The following BLTP3B variants were observed in gnomAD, a reference collection of about 807,000 sequenced individuals.
The protein encoded by BLTP3B is UHRF1 (ICBP90) binding protein 1-like.
chr12:100,104,752 A>C, the BLTP3B span, among the ~76,000 whole-genome samples: 3 of 152,006 alleles, frequency 2.0e-5, no homozygotes, highest in Non-Finnish European at 2.9e-5. Flanking sequence ...CTTAGATCTA[A>C]TAAATAAATT....
the BLTP3B span, among the ~76,000 whole-genome samples, chr12:100,054,738 T>C: frequency 6.6e-6 from 1 of 152,204 alleles, no homozygotes; most frequent in African/African-American, 2.4e-5. Context: ...TTTTTGTTTA[T>C]GTATGGTACA....
At chr12:100,138,876 C>T in the BLTP3B span, among the ~76,000 whole-genome samples, 2 of 152,096 alleles carry the variant, frequency 1.3e-5, no homozygotes, top group African/African-American at 2.4e-5. Flanking sequence ...TACACACACA[C>T]ACACACACAC....
the BLTP3B span, among the ~76,000 whole-genome samples, chr12:100,135,127 T>G: frequency 2.0e-5 from 3 of 152,188 alleles, no homozygotes; most frequent in Non-Finnish European, 4.4e-5. Flanking sequence ...TGATCGCATC[T>G]TCCTCTTCTC....
chr12:100,104,479 C>T, the BLTP3B span, among the ~76,000 whole-genome samples: 10 of 151,678 alleles, frequency 6.6e-5, no homozygotes, highest in Non-Finnish European at 1.3e-4. Flanking sequence ...GCTGGGATTA[C>T]AGGCACGCAC....
At chr12:100,109,169 T>C in the BLTP3B span, among the ~76,000 whole-genome samples, 1 of 81,618 alleles carries the variant, frequency 1.2e-5, no homozygotes, top group South Asian at 3.9e-4. Flanking sequence ...CCTCTCTCTC[T>C]CTCTCTCTCT....
At chr12:100,059,905 T>C in the BLTP3B span, 13 of 1,612,756 alleles carry the variant, frequency 8.1e-6, no homozygotes, top group Non-Finnish European at 1.1e-5. Context: ...TTTTGAATTG[T>C]CATTCAACTT....
chr12:100,084,587 A>G, the BLTP3B span: 156 of 1,614,074 alleles, frequency 9.7e-5, no homozygotes, highest in Non-Finnish European at 1.3e-4. Flanking sequence ...AATTCATGCA[A>G]TAACTCATTG....
the BLTP3B span, among the ~76,000 whole-genome samples, chr12:100,124,336 C>T: frequency 6.6e-6 from 1 of 152,084 alleles, no homozygotes; most frequent in African/African-American, 2.4e-5. Context: ...GGCACAGTGG[C>T]TCACGCCTGT....
chr12:100,120,368 A>G, the BLTP3B span, among the ~76,000 whole-genome samples: 1 of 152,090 alleles, frequency 6.6e-6, no homozygotes. Flanking sequence ...GCAAGATTCC[A>G]TCTCAAAAAA....
chr12:100,123,579 C>CCCA, the BLTP3B span, among the ~76,000 whole-genome samples: 3 of 152,200 alleles, frequency 2.0e-5, no homozygotes, highest in Non-Finnish European at 4.4e-5. Context: ...CCAAGACTGC[C>CCCA]CTCCGTCACC....
At chr12:100,102,816 T>C in the BLTP3B span, 215 of 1,609,676 alleles carry the variant, frequency 1.3e-4, 1 homozygote, top group Admixed American at 3.6e-3. Context: ...GGCTTCTTGG[T>C]TCTTCACATG....
At chr12:100,063,076 G>A in the BLTP3B span, among the ~76,000 whole-genome samples, 4 of 152,162 alleles carry the variant, frequency 2.6e-5, no homozygotes, top group Non-Finnish European at 4.4e-5. Context: ...GCGGGAGGCA[G>A]GACTAGTTTG....
At chr12:100,060,088 C>A in the BLTP3B span, 1 of 1,416,698 alleles carries the variant, frequency 7.1e-7, no homozygotes, top group Non-Finnish European at 9.4e-7. Context: ...TTGGATGGTT[C>A]TAAATCTTCC....
the BLTP3B span, chr12:100,142,519 C>T: frequency 1.3e-6 from 2 of 1,537,794 alleles, no homozygotes; most frequent in Non-Finnish European, 1.8e-6. Context: ...CCGCCGCCCC[C>T]GAAGCCGCAG....
the BLTP3B span, chr12:100,050,151 TAA>T: frequency 5.1e-6 from 6 of 1,178,772 alleles, no homozygotes; most frequent in South Asian, 3.5e-5. Context: ...GAAAAATAAT[TAA>T]AAAAAAAAAC....
chr12:100,141,553 T>A, the BLTP3B span, among the ~76,000 whole-genome samples: 1 of 151,488 alleles, frequency 6.6e-6, no homozygotes, highest in Admixed American at 6.6e-5. Flanking sequence ...AGAAGTAGAA[T>A]TCTGTTCCCA....
At chr12:100,062,204 G>C in the BLTP3B span, among the ~76,000 whole-genome samples, 1 of 152,214 alleles carries the variant, frequency 6.6e-6, no homozygotes, top group African/African-American at 2.4e-5. Flanking sequence ...AAGCTGCATA[G>C]TCTGTGGTAT....
chr12:100,057,951 C>T, the BLTP3B span: 1 of 1,479,198 alleles, frequency 6.8e-7, no homozygotes, highest in South Asian at 1.4e-5. Context: ...TTTTCTGCCT[C>T]AAAACAAAAT....
At chr12:100,140,558 A>G in the BLTP3B span, among the ~76,000 whole-genome samples, 248 of 151,174 alleles carry the variant, frequency 1.6e-3, 1 homozygote, top group African/African-American at 5.9e-3. Context: ...ATACAAAATT[A>G]GCCAGGCGTG....
Sources: allele counts gnomAD v4.1 joint callset (sites outside exome capture counted in the v4.1 genomes callset), GRCh38; gene constraint gnomAD v4.1.1; transcripts MANE v1.5; gene names NCBI Gene and HGNC (gene_info 2026-07-23, HGNC 2026-07-21).